Variants in ARMC1 observed in about 807,000 individuals in gnomAD.
ARMC1 encodes armadillo repeat containing 1, also known as armadillo repeat-containing protein 1.
ARMC1 carries 16 observed loss-of-function variants against 31.4 expected under a neutral mutation model. The observed-to-expected ratio is 0.51, with a 90% confidence interval of 0.34 to 0.77. The LOEUF (loss-of-function observed/expected upper bound fraction) is 0.77. ARMC1 is among the 30% of genes least tolerant of loss of function. ARMC1 has a pLI of 0.01. For missense variants in ARMC1, 259 were observed against 347.5 expected (o/e 0.75, Z 2.02); for synonymous variants, 114 against 118.9 (o/e 0.96, Z 0.27).
At chr8:65,622,224 A>C in intron 3 of ARMC1, 39 bp downstream of exon 3, 2 of 1,486,610 alleles carry the variant, frequency 1.3e-6, no homozygotes, top group Non-Finnish European at 1.9e-6. Context: ...TAATATAAGT[A>C]AGTATATAAA....
At chr8:65,621,407 A>G (rs944505261) in intron 3 of ARMC1, among the ~76,000 whole-genome samples, 3 of 152,186 alleles carry the variant, frequency 2.0e-5, no homozygotes, top group African/African-American at 7.2e-5. Flanking sequence ...TTTTAATTAT[A>G]AACTTAAGAA....
At chr8:65,630,344 G>A (rs929298949) in intron 1 of ARMC1, among the ~76,000 whole-genome samples, 1 of 152,072 alleles carries the variant, frequency 6.6e-6, no homozygotes, top group African/African-American at 2.4e-5. Context: ...AAATAAATCA[G>A]GGAAAAAAGA....
chr8:65,629,166 A>G (rs111474906), intron 1 of ARMC1, among the ~76,000 whole-genome samples: 8 of 151,992 alleles, frequency 5.3e-5, no homozygotes, highest in African/African-American at 7.2e-5. Flanking sequence ...AAAAAAAAAA[A>G]AAAGAAAGAA....
intron 6 of ARMC1, 33 bp downstream of exon 6, chr8:65,605,230 T>C (rs201794703): frequency 1.5e-5 from 23 of 1,562,454 alleles, no homozygotes; most frequent in East Asian, 4.5e-5. Context: ...TGAGAGTGAG[T>C]TGGATATAAA....
At chr8:65,610,315 T>C in intron 4 of ARMC1, among the ~76,000 whole-genome samples, 1 of 149,770 alleles carries the variant, frequency 6.7e-6, no homozygotes, top group East Asian at 2.1e-4. Flanking sequence ...GCCAGGCTGG[T>C]CTTGAACTCC....
chr8:65,608,436 C>T (rs538774798), intron 4 of ARMC1, among the ~76,000 whole-genome samples: 6 of 148,708 alleles, frequency 4.0e-5, no homozygotes, highest in South Asian at 2.1e-4. Context: ...GGCTGAGGCA[C>T]GAGAATTACT....
chr8:65,621,820 T>C (rs117950402), intron 3 of ARMC1, among the ~76,000 whole-genome samples: 2,872 of 152,328 alleles, frequency 0.019, 28 homozygotes, highest in African/African-American at 0.026. Context: ...GTATGAAATA[T>C]TAAATGCCTC....
At chr8:65,622,657 G>A (rs1808418221) in intron 2 of ARMC1, among the ~76,000 whole-genome samples, 1 of 151,946 alleles carries the variant, frequency 6.6e-6, no homozygotes, top group Admixed American at 6.6e-5. Flanking sequence ...GTGGGGAAGT[G>A]AGCTGTGATT....
intron 2 of ARMC1, among the ~76,000 whole-genome samples, chr8:65,624,142 C>A (rs1319294530): frequency 6.6e-6 from 1 of 151,810 alleles, no homozygotes; most frequent in Non-Finnish European, 1.5e-5. Context: ...CCCAAAAAAA[C>A]AAAAATGAAT....
Position 65,613,357 on chromosome 8 carries a change from C to T in ARMC1, c.352G>A (p.Gly118Ser), listed in dbSNP as rs1212064248. 6.2e-7 allele frequency: 1 copy of T among 1,611,984 alleles called. No individual in the cohort carries two copies. The highest frequency in any genetic ancestry group is 8.5e-7 in the Non-Finnish European group (1 of 1,179,198). The change falls in exon 4 of 7, where the codon GGT becomes AGT. Residue 118 changes from glycine to serine, a missense_variant. Physicochemically the swap from Gly to Ser is moderately conservative, Grantham distance 56. Coordinates refer to ENST00000276569, the MANE Select transcript of ARMC1 (RefSeq NM_018120.6). ...DILQSSNMAD[G>S]DSFNEMNSRR... ...GAATTCATCTCATTAAAACTATCAC[C>T]ATCTGCCATATTGGAGGACTGAAGA...
At chr8:65,615,712 G>T (rs541160058) in intron 3 of ARMC1, among the ~76,000 whole-genome samples, 150 of 151,706 alleles carry the variant, frequency 9.9e-4, no homozygotes, top group Non-Finnish European at 1.5e-3. Flanking sequence ...CTCTTAAAAA[G>T]AAAAAATGAA....
At chr8:65,623,889 C>T (rs1318798421) in intron 2 of ARMC1, among the ~76,000 whole-genome samples, 1 of 147,850 alleles carries the variant, frequency 6.8e-6, no homozygotes, top group Non-Finnish European at 1.5e-5. Flanking sequence ...CCTCCACCCC[C>T]CGAGTTCAAG....
chr8:65,603,212 C>G lies in ARMC1; in HGVS notation c.*1182G>C, dbSNP rs1456554404. ...ATATATGTAATTAGCACTTATCTAC[C>G]AAAAAAACATATGTGTATGTATTTA... On this transcript the variant is annotated 3_prime_UTR_variant, in exon 7 of 7. Coordinates refer to ENST00000276569, the MANE Select transcript of ARMC1 (RefSeq NM_018120.6). 6.6e-6 allele frequency: 1 copy of G among 151,756 alleles called. No individual in the cohort carries two copies. The highest frequency in any genetic ancestry group is 1.5e-5 in the Non-Finnish European group (1 of 67,900). The allele number at this position is 151,756 out of a possible 1,614,324, so 9.4% of individuals were successfully genotyped here.
chr8:65,604,672 T>C (rs1452725055), intron 6 of ARMC1, 87 bp from the exon 7 acceptor site: 2 of 1,238,428 alleles, frequency 1.6e-6, no homozygotes, highest in African/African-American at 1.5e-5. Flanking sequence ...TAAATTTTCC[T>C]CTTACATGAC....
intron 3 of ARMC1, among the ~76,000 whole-genome samples, chr8:65,621,834 C>CA (rs1319776643): frequency 1.3e-5 from 2 of 152,204 alleles, no homozygotes; most frequent in African/African-American, 4.8e-5. Flanking sequence ...ATGCCTCTAC[C>CA]AGCACCATCT....
At chr8:65,626,374 T>A (rs1293855401) in intron 2 of ARMC1, among the ~76,000 whole-genome samples, 1 of 146,806 alleles carries the variant, frequency 6.8e-6, no homozygotes, top group Non-Finnish European at 1.5e-5. Context: ...GAGCTCGAGG[T>A]AGAAGAATCA....
At position 65,604,355 on chromosome 8, in the gene ARMC1, C is replaced by G. The variant is rs1182190042; in HGVS notation, c.*39G>C. On this transcript the variant is annotated 3_prime_UTR_variant, in exon 7 of 7. Coordinates refer to ENST00000276569, the MANE Select transcript of ARMC1 (RefSeq NM_018120.6). ...TCACCACAACAATGGAAAACTGGCC[C>G]CTTGTTGGTTCACACAGTCCTTGAG... The G allele has an allele frequency of 6.4e-7, 1 of 1,572,580 alleles. No individual in the cohort carries two copies. The highest frequency in any genetic ancestry group is 1.8e-5 in the Admixed American group (1 of 55,340).
rs1246232624 is a variant in ARMC1 at position 65,603,589 on chromosome 8, T to C, written c.*805A>G. The stretch of plus-strand genomic sequence containing the variant: ...CACAAAGTAAGGCCTAGAGACCATT[T>C]ATAGTTGTTTGCAATATCATGATCA... On this transcript the variant is annotated 3_prime_UTR_variant, in exon 7 of 7. Transcript: ENST00000276569. 6.6e-6 allele frequency: 1 copy of C among 152,202 alleles called. No homozygotes were observed. The highest frequency in any genetic ancestry group is 1.5e-5 in the Non-Finnish European group (1 of 68,022). The allele number at this position is 152,202 out of a possible 1,614,324, so 9.4% of individuals were successfully genotyped here.
chr8:65,611,822 G>A (rs1463204186), intron 4 of ARMC1, among the ~76,000 whole-genome samples: 8 of 149,632 alleles, frequency 5.3e-5, no homozygotes, highest in Admixed American at 1.3e-4. Context: ...CACTCAGGCT[G>A]GAGTGCAGTG....
Sources: gnomAD v4.1 joint callset for allele counts (sites outside exome capture counted in the v4.1 genomes callset) on GRCh38, gnomAD v4.1.1 for gene constraint, MANE v1.5 for transcripts, NCBI Gene and HGNC (gene_info 2026-07-23, HGNC 2026-07-21) for gene names.